The following MERTK variants were observed in gnomAD, a reference collection of about 807,000 sequenced individuals.
The protein encoded by MERTK is MER proto-oncogene, tyrosine kinase.
In MERTK, 69 loss-of-function variants were observed where a neutral mutation model predicts 99.3. The ratio of observed to expected loss-of-function variants is 0.70; its 90% CI spans 0.57 to 0.85. The LOEUF (loss-of-function observed/expected upper bound fraction) is 0.85, where lower values mean the gene tolerates loss of function less well. Ranked by LOEUF, MERTK falls within the 40% of genes least tolerant of loss-of-function variation. MERTK has a pLI of 0.00. For synonymous variants in MERTK, 426 were observed against 467.6 expected, an observed-to-expected ratio of 0.91 and a Z score of 1.15; for missense variants, 1,125 against 1,249.4, an observed-to-expected ratio of 0.90 and a Z score of 1.50.
chr2:111,946,803 G>A (rs937737777), intron 3 of MERTK, among the ~76,000 whole-genome samples: 18 of 152,198 alleles, frequency 1.2e-4, no homozygotes, highest in African/African-American at 4.3e-4. Flanking sequence ...AACTGCCTGT[G>A]GCCTGCCTTC....
intron 4 of MERTK, among the ~76,000 whole-genome samples, chr2:111,954,397 C>T (rs1685111408): frequency 6.6e-6 from 1 of 152,184 alleles, no homozygotes; most frequent in Admixed American, 6.5e-5. Flanking sequence ...TTCCCCATTG[C>T]ATTGAAGAAC....
At chr2:112,027,274 T>TA (rs2104428644) in intron 18 of MERTK, among the ~76,000 whole-genome samples, 1 of 151,588 alleles carries the variant, frequency 6.6e-6, no homozygotes, top group African/African-American at 2.4e-5. Flanking sequence ...TGTGTATATA[T>TA]ATGCCATATA....
At chr2:111,949,980 C>T (rs567855937) in intron 4 of MERTK, among the ~76,000 whole-genome samples, 8 of 152,178 alleles carry the variant, frequency 5.3e-5, no homozygotes, top group Middle Eastern at 3.4e-3. Context: ...CTCTGTTGCC[C>T]AGGCTGGAGT....
intron 6 of MERTK, among the ~76,000 whole-genome samples, chr2:111,974,603 C>T (rs1481168977): frequency 6.6e-6 from 1 of 151,494 alleles, no homozygotes; most frequent in African/African-American, 2.4e-5. Flanking sequence ...AACCCCATCT[C>T]TACTAAAAAT....
chr2:111,989,898 C>T (rs1343482059), intron 8 of MERTK, among the ~76,000 whole-genome samples: 1 of 152,160 alleles, frequency 6.6e-6, no homozygotes, highest in Admixed American at 6.5e-5. Context: ...GAAATGCTTT[C>T]AGATGTTTAA....
intron 8 of MERTK, among the ~76,000 whole-genome samples, chr2:111,987,318 A>G (rs566248662): frequency 2.2e-4 from 33 of 152,302 alleles, no homozygotes; most frequent in African/African-American, 7.2e-4. Flanking sequence ...GAATCCTTTG[A>G]TCTTTACTGA....
At chr2:111,934,646 A>G (rs1347042067) in intron 2 of MERTK, among the ~76,000 whole-genome samples, 1 of 152,034 alleles carries the variant, frequency 6.6e-6, no homozygotes, top group African/African-American at 2.4e-5. Flanking sequence ...GATTGCAGAA[A>G]TTTTCTCGCA....
At position 111,914,101 on chromosome 2, in the gene MERTK, C is replaced by CTTTTTTTTT. The variant is rs765850254; in HGVS notation, c.62-15005_62-14997dup. On this transcript the variant is annotated intron_variant, in intron 1 of 18. Coordinates refer to ENST00000295408, the MANE Select transcript of MERTK (RefSeq NM_006343.3). ...CTTTTCTTTCTTTCTTTCTTTCTTT[C>CTTTTTTTTT]TTTTTTTTTTTTTTTTTTTTTTGAG... Among the ~76,000 whole-genome samples, 195 of 94,456 alleles carry CTTTTTTTTT rather than the reference C, an allele frequency of 2.1e-3. 1 individual carries two copies. Among genetic ancestry groups the CTTTTTTTTT allele is most frequent in the African/African-American group, 2.6e-3 (54 of 21,018 alleles). The allele number at this position is 94,456 out of a possible 152,430, so 62.0% of individuals were successfully genotyped here.
At chr2:111,996,789 G>A (rs1010745467) in intron 9 of MERTK, 3 of 178,346 alleles carry the variant, frequency 1.7e-5, no homozygotes, top group South Asian at 1.1e-4. Context: ...ATTAGCAGTC[G>A]ATCCAAACTT....
At chr2:111,982,047 T>G (rs77564248) in intron 7 of MERTK, among the ~76,000 whole-genome samples, 14 of 151,874 alleles carry the variant, frequency 9.2e-5, no homozygotes, top group African/African-American at 1.4e-4. Context: ...CTTTAGGTGC[T>G]CATGAAATTT....
chr2:111,994,139 C>A (rs1196962253), intron 8 of MERTK, 112 bp from the exon 9 acceptor site: 1 of 1,231,116 alleles, frequency 8.1e-7, no homozygotes, highest in Non-Finnish European at 1.2e-6. Context: ...GGAAGTGTGG[C>A]TTCTGGCCTC....
chr2:111,903,617 G>T lies in MERTK; in HGVS notation c.61+4821G>T, dbSNP rs550329148. Among the ~76,000 whole-genome samples the T allele has an allele frequency of 3.3e-5, 5 of 152,364 alleles. 1 individual carries two copies. In the South Asian group the frequency reaches 1.0e-3, roughly 32 times the overall value. On this transcript the variant is annotated intron_variant, in intron 1 of 18. Transcript: ENST00000295408. ...AAAGCACATGGCTCTGAATTGGTAT[G>T]TTTCTCAGCAGGAGATTAATTATTA...
intron 1 of MERTK, among the ~76,000 whole-genome samples, chr2:111,907,320 A>C (rs760508053): frequency 6.6e-6 from 1 of 152,218 alleles, no homozygotes; most frequent in East Asian, 1.9e-4. Flanking sequence ...AGGCTGAGGC[A>C]GAAGAATCAC....
At chr2:112,008,203 T>C (rs190246961) in intron 13 of MERTK, among the ~76,000 whole-genome samples, 180 bp from the exon 14 acceptor site, 1 of 152,224 alleles carries the variant, frequency 6.6e-6, no homozygotes, top group East Asian at 1.9e-4. Flanking sequence ...GCTTTGCCTG[T>C]TTGCCCCTCT....
chr2:111,924,804 T>C (rs1197920987), intron 1 of MERTK, among the ~76,000 whole-genome samples: 1 of 152,132 alleles, frequency 6.6e-6, no homozygotes, highest in Non-Finnish European at 1.5e-5. Flanking sequence ...CTCTTCAGTT[T>C]CCCACCACCT....
Position 112,029,402 on chromosome 2 carries a change from G to A in MERTK, c.*538G>A. On this transcript the variant is annotated 3_prime_UTR_variant, in exon 19 of 19. Transcript: ENST00000295408. ...GAACTTACTTGAGACTTGAAAGACA[G>A]TGGTCGGCAGCGGCCTTGTGGCCTT... 1 of 904,744 alleles carries A rather than the reference G, an allele frequency of 1.1e-6. No individual in the cohort carries two copies. Among genetic ancestry groups the A allele is most frequent in the Admixed American group, 6.1e-5 (1 of 16,300 alleles). 56.0% of individuals were successfully genotyped at this position (904,744 alleles called of 1,614,324 possible). A position where few individuals can be genotyped will look rare whatever the true frequency, so the allele number is the denominator to read the frequency against.
Position 111,929,530 on chromosome 2 carries a change from G to A in MERTK, c.472G>A (p.Ala158Thr), listed in dbSNP as rs780214104. The change falls in exon 2 of 19, where the codon GCT becomes ACT. Residue 158 changes from alanine to threonine, a missense_variant. Physicochemically the swap from Ala to Thr is moderately conservative, Grantham distance 58 (BLOSUM62 0). Coordinates refer to ENST00000295408, the MANE Select transcript of MERTK (RefSeq NM_006343.3). ...YPDDEVTAIIASFSITSVQRS... is the reference protein window; with the variant it reads ...YPDDEVTAIITSFSITSVQRS... ...AGATGATGAAGTTACAGCAATAATC[G>A]CTTCCTTCAGGTATGTGTTCTTTCT... 1.1e-5 allele frequency: 18 copies of A among 1,606,464 alleles called. No individual in the cohort carries two copies. The highest frequency in any genetic ancestry group is 1.1e-4 in the African/African-American group (8 of 74,006).
At chr2:111,963,046 G>C (rs936688789) in intron 4 of MERTK, among the ~76,000 whole-genome samples, 19 of 152,244 alleles carry the variant, frequency 1.2e-4, no homozygotes, top group Non-Finnish European at 2.2e-4. Context: ...TCTCGGAGAG[G>C]GGGATGTGGC....
intron 1 of MERTK, among the ~76,000 whole-genome samples, chr2:111,900,709 TG>T (rs902874557): frequency 6.6e-6 from 1 of 152,210 alleles, no homozygotes; most frequent in Non-Finnish European, 1.5e-5. Flanking sequence ...TTGCACTTTT[TG>T]CTTTTGGTTT....
Sources: allele counts gnomAD v4.1 joint callset (sites outside exome capture counted in the v4.1 genomes callset), GRCh38; gene constraint gnomAD v4.1.1; transcripts MANE v1.5; gene names NCBI Gene and HGNC (gene_info 2026-07-23, HGNC 2026-07-21).